BRINP3: variants seen among roughly 807,000 people sequenced by gnomAD.
The protein encoded by BRINP3 is BMP/retinoic acid inducible neural specific 3.
Under a neutral mutation model 71.0 loss-of-function variants are expected in BRINP3, and 19 were observed. The observed-to-expected ratio is 0.27, with a 90% CI of 0.19 to 0.39. The LOEUF (loss-of-function observed/expected upper bound fraction) is 0.39. Among genes scored for constraint, BRINP3 ranks in the 10% least tolerant of loss-of-function variants. The pLI, the probability that BRINP3 is intolerant of heterozygous loss-of-function variation, is 1.00. For synonymous variants in BRINP3, 380 were observed against 337.7 expected (o/e 1.13, Z -1.37); for missense variants, 959 against 940.8 (o/e 1.02, Z -0.25).
intron 2 of BRINP3, among the ~76,000 whole-genome samples, chr1:190,374,119 A>C (rs956721607): frequency 2.6e-5 from 4 of 152,038 alleles, no homozygotes; most frequent in African/African-American, 9.6e-5. Context: ...TTTAGGGTTC[A>C]AGATTATAAT....
chr1:190,204,006 T>C (rs1655269872), intron 6 of BRINP3, among the ~76,000 whole-genome samples: 1 of 151,432 alleles, frequency 6.6e-6, no homozygotes. Context: ...GTTGTAAATT[T>C]CATTATATGA....
At chr1:190,412,624 G>C (rs1217895531) in intron 2 of BRINP3, among the ~76,000 whole-genome samples, 1 of 149,810 alleles carries the variant, frequency 6.7e-6, no homozygotes, top group Non-Finnish European at 1.5e-5. Context: ...CACTACGCCC[G>C]GCTAATTTTT....
At chr1:190,155,674 C>A (rs1357065267) in intron 7 of BRINP3, among the ~76,000 whole-genome samples, 3 of 152,006 alleles carry the variant, frequency 2.0e-5, no homozygotes, top group Non-Finnish European at 4.4e-5. Flanking sequence ...TAGGGAGGGA[C>A]CTAGTGTGAG....
chr1:190,359,915 T>A (rs1407951066), intron 2 of BRINP3, among the ~76,000 whole-genome samples: 1 of 152,134 alleles, frequency 6.6e-6, no homozygotes. Flanking sequence ...GGCTAAACTC[T>A]TTTCACCTCC....
Position 190,225,096 on chromosome 1 carries a change from G to A in BRINP3, c.961+986C>T, listed in dbSNP as rs6659885. On this transcript the variant is annotated intron_variant, in intron 6 of 7. Transcript: ENST00000367462. Reference sequence around the variant, plus strand: ...GTTTGCTCAAACACCTAAAGTAGAAGTACCATATTATTAATCTCACTACTG... The same window carrying A: ...GTTTGCTCAAACACCTAAAGTAGAAATACCATATTATTAATCTCACTACTG... Among the ~76,000 whole-genome samples, 5 of 151,682 alleles carry A rather than the reference G, an allele frequency of 3.3e-5. No homozygotes were observed. The East Asian group carries it at 7.8e-4, about 24-fold the overall frequency.
chr1:190,224,021 A>T (rs1016532896), intron 6 of BRINP3, among the ~76,000 whole-genome samples: 5 of 151,872 alleles, frequency 3.3e-5, no homozygotes, highest in African/African-American at 1.2e-4. Context: ...GATATTTCAT[A>T]TGTATGGATT....
chr1:190,191,805 A>G (rs966662869), intron 6 of BRINP3, among the ~76,000 whole-genome samples: 2 of 152,150 alleles, frequency 1.3e-5, no homozygotes, highest in Non-Finnish European at 2.9e-5. Context: ...TTGCATTGAA[A>G]TCTTACATAT....
At chr1:190,371,544 TA>T (rs1669865983) in intron 2 of BRINP3, among the ~76,000 whole-genome samples, 1 of 152,216 alleles carries the variant, frequency 6.6e-6, no homozygotes, top group African/African-American at 2.4e-5. Flanking sequence ...CTTCTGTTTT[TA>T]TGCCATTATC....
chr1:190,412,046 C>G (rs1260183130), intron 2 of BRINP3, among the ~76,000 whole-genome samples: 1 of 151,972 alleles, frequency 6.6e-6, no homozygotes, highest in East Asian at 1.9e-4. Flanking sequence ...ATGCTTCTCC[C>G]ATAGCCTACT....
chr1:190,098,337 A>G lies in BRINP3; in HGVS notation c.1982T>C (p.Met661Thr). Residue 661 changes from methionine to threonine, a missense_variant, in exon 8 of 8, where the codon ATG becomes ACG. Transcript: ENST00000367462. ...AAACACTTGAATGTTATTGATTTTC[A>G]TATAGCCCAGGTTCCGGGAAGGGTC... ...FIDPSRNLGY[M>T]KINNIQVFGY... 1 of 1,614,168 alleles carries G rather than the reference A, an allele frequency of 6.2e-7. No individual in the cohort carries two copies. The highest frequency in any genetic ancestry group is 8.5e-7 in the Non-Finnish European group (1 of 1,180,026).
chr1:190,180,658 C>T (rs1018635004), intron 6 of BRINP3, among the ~76,000 whole-genome samples: 2 of 151,960 alleles, frequency 1.3e-5, no homozygotes, highest in Non-Finnish European at 1.5e-5. Flanking sequence ...TAACAAGTCA[C>T]TCATTATTAG....
intron 7 of BRINP3, among the ~76,000 whole-genome samples, chr1:190,132,164 A>G (rs1273696731): frequency 6.6e-6 from 1 of 152,120 alleles, no homozygotes; most frequent in African/African-American, 2.4e-5. Flanking sequence ...TGCAATGTTC[A>G]TGATTCTGTA....
At chr1:190,366,475 G>T (rs986778408) in intron 2 of BRINP3, among the ~76,000 whole-genome samples, 1 of 152,042 alleles carries the variant, frequency 6.6e-6, no homozygotes, top group Non-Finnish European at 1.5e-5. Context: ...GATGAGATTT[G>T]GGTGAGGACA....
chr1:190,340,485 G>T (rs886624422), intron 2 of BRINP3, among the ~76,000 whole-genome samples: 1 of 151,410 alleles, frequency 6.6e-6, no homozygotes, highest in South Asian at 2.1e-4. Flanking sequence ...GTTTATTATG[G>T]GTCCCTGGAC....
intron 2 of BRINP3, among the ~76,000 whole-genome samples, chr1:190,356,385 T>C (rs894024109): frequency 3.3e-5 from 5 of 152,138 alleles, no homozygotes; most frequent in Non-Finnish European, 7.4e-5. Context: ...CAGAAATGAC[T>C]GTAAACAACA....
chr1:190,266,199 AAACT>A (rs1661648534), intron 3 of BRINP3, among the ~76,000 whole-genome samples: 1 of 152,182 alleles, frequency 6.6e-6, no homozygotes, highest in African/African-American at 2.4e-5. Flanking sequence ...GCCCATTTAT[AAACT>A]AATAAGTCAC....
chr1:190,267,932 A>G (rs1366705144), intron 3 of BRINP3, among the ~76,000 whole-genome samples: 1 of 152,142 alleles, frequency 6.6e-6, no homozygotes, highest in Non-Finnish European at 1.5e-5. Flanking sequence ...TTCTAAATCT[A>G]TTTTTATAAA....
At chr1:190,110,467 G>A (rs1303405201) in intron 7 of BRINP3, among the ~76,000 whole-genome samples, 2 of 152,166 alleles carry the variant, frequency 1.3e-5, no homozygotes, top group Non-Finnish European at 2.9e-5. Flanking sequence ...TACTTTCTCT[G>A]GATGAAGCAA....
At chr1:190,253,463 C>T (rs958623865) in intron 4 of BRINP3, among the ~76,000 whole-genome samples, 23 of 152,060 alleles carry the variant, frequency 1.5e-4, no homozygotes, top group Non-Finnish European at 2.9e-4. Flanking sequence ...TAATGATTGC[C>T]ATTATAACTG....
Sources: allele counts gnomAD v4.1 joint callset (sites outside exome capture counted in the v4.1 genomes callset), GRCh38; gene constraint gnomAD v4.1.1; transcripts MANE v1.5; gene names NCBI Gene and HGNC (gene_info 2026-07-23, HGNC 2026-07-21).